DCP1A: variants seen among roughly 807,000 people sequenced by gnomAD.
DCP1A encodes the protein mRNA-decapping enzyme 1A.
In DCP1A, 20 loss-of-function variants were observed where a neutral mutation model predicts 58.0. The ratio of observed to expected loss-of-function variants is 0.34; its 90% CI spans 0.24 to 0.50. The LOEUF (loss-of-function observed/expected upper bound fraction) is 0.50, where lower values mean the gene tolerates loss of function less well. DCP1A is among the 20% of genes least tolerant of loss of function. DCP1A has a pLI of 0.98. For synonymous variants in DCP1A, 285 were observed against 275.1 expected (o/e 1.04, Z -0.36); for missense variants, 613 against 712.2 (o/e 0.86, Z 1.59).
At chr3:53,318,927 T>C (rs1337450674) in intron 4 of DCP1A, among the ~76,000 whole-genome samples, 4 of 152,212 alleles carry the variant, frequency 2.6e-5, no homozygotes, top group Non-Finnish European at 4.4e-5. Flanking sequence ...AGAGTTGCTG[T>C]ATATGGTCAG....
At chr3:53,309,249 T>C (rs1262661338) in intron 5 of DCP1A, among the ~76,000 whole-genome samples, 5 of 151,906 alleles carry the variant, frequency 3.3e-5, no homozygotes, top group Middle Eastern at 3.4e-3. Context: ...TGCATGCCTG[T>C]AGTCCCAGCT....
intron 1 of DCP1A, 36 bp downstream of exon 1, chr3:53,347,347 G>T: frequency 6.6e-7 from 1 of 1,520,020 alleles, no homozygotes; most frequent in Non-Finnish European, 8.8e-7. Flanking sequence ...GACGGCAGCG[G>T]CCGGGTGGCC....
intron 5 of DCP1A, among the ~76,000 whole-genome samples, chr3:53,311,836 G>A (rs1707652347): frequency 6.6e-6 from 1 of 152,006 alleles, no homozygotes; most frequent in Admixed American, 6.6e-5. Flanking sequence ...TTCTCCCATA[G>A]TAATCTTATA....
chr3:53,304,383 ATT>A, intron 5 of DCP1A, 93 bp from the exon 6 acceptor site: 1 of 852,696 alleles, frequency 1.2e-6, no homozygotes, highest in Non-Finnish European at 1.8e-6. Flanking sequence ...CAAAAATGTT[ATT>A]TTTTAAAAAG....
intron 3 of DCP1A, among the ~76,000 whole-genome samples, chr3:53,325,539 A>G (rs1451899202): frequency 1.3e-5 from 2 of 152,256 alleles, no homozygotes; most frequent in Non-Finnish European, 2.9e-5. Context: ...TGATACTGAC[A>G]AAGATCTCTT....
Position 53,309,242 on chromosome 3 carries a change from A to G in DCP1A, c.510+2999T>C, listed in dbSNP as rs148403993. On this transcript the variant is annotated intron_variant, in intron 5 of 9. Transcript: ENST00000610213. Reference sequence around the variant, plus strand: ...AAAAATTAGCCGGTCATAGTGGTGCATGCCTGTAGTCCCAGCTACTCAGGA... The same window carrying G: ...AAAAATTAGCCGGTCATAGTGGTGCGTGCCTGTAGTCCCAGCTACTCAGGA... Among the ~76,000 whole-genome samples, 1,012 of 152,026 alleles carry G rather than the reference A, an allele frequency of 6.7e-3. 48 individuals carry two copies. The East Asian group carries it at 0.12, about 19-fold the overall frequency.
At chr3:53,321,098 G>A (rs1707952208) in intron 3 of DCP1A, among the ~76,000 whole-genome samples, 1 of 152,252 alleles carries the variant, frequency 6.6e-6, no homozygotes, top group African/African-American at 2.4e-5. Context: ...GCCACCTTCT[G>A]TTGCTAGGTT....
intron 6 of DCP1A, among the ~76,000 whole-genome samples, chr3:53,301,407 G>A (rs941274366): frequency 1.3e-5 from 2 of 152,066 alleles, no homozygotes; most frequent in East Asian, 3.9e-4. Flanking sequence ...GAATAGCTGG[G>A]ATTCAGGTAC....
At position 53,347,512 on chromosome 3, in the gene DCP1A, C is replaced by T; in HGVS notation, c.6G>A (p.Glu2=). 6.2e-7 allele frequency: 1 copy of T among 1,611,276 alleles called. No individual in the cohort carries two copies. The change falls in exon 1 of 10, where the codon GAG becomes GAA. Residue 2 remains glutamate, a synonymous_variant. Coordinates refer to ENST00000610213, the MANE Select transcript of DCP1A (RefSeq NM_018403.7). M[E]ALSRAGQEMS... ...TCTCCTGCCCAGCTCGACTCAGCGC[C>T]TCCATCTTGAATCCCAGAGCCTAGC...
In DCP1A at chr3:53,342,136, A is replaced by G; in HGVS notation, c.304+8T>C. ...ATGTAATAACTATAATAAAACAGAT[A>G]TACTCACAGCTTGCATTTCTATACA... On this transcript the variant is annotated splice_region_variant and intron_variant, in intron 3 of 9. Coordinates refer to ENST00000610213, the MANE Select transcript of DCP1A (RefSeq NM_018403.7). 1 of 1,591,476 alleles carries G rather than the reference A, an allele frequency of 6.3e-7. No individual in the cohort carries two copies. The highest frequency in any genetic ancestry group is 8.6e-7 in the Non-Finnish European group (1 of 1,167,540).
rs543252795 is a variant in DCP1A, at chr3:53,303,787, T to C, written c.624+390A>G. Among the ~76,000 whole-genome samples the C allele has an allele frequency of 2.0e-5, 3 of 152,280 alleles. No individual in the cohort carries two copies. In the South Asian group the frequency reaches 6.2e-4, roughly 32 times the overall value. ...CAGGTGAGCAATGCAGAGTGACAGA[T>C]GAGGCCTGGGGTAGAGGGGCCAGAT... On this transcript the variant is annotated intron_variant, in intron 6 of 9. Coordinates refer to ENST00000610213, the MANE Select transcript of DCP1A (RefSeq NM_018403.7).
chr3:53,297,947 G>A (rs143787828), intron 6 of DCP1A, among the ~76,000 whole-genome samples: 61 of 152,354 alleles, frequency 4.0e-4, no homozygotes, highest in Admixed American at 1.4e-3. Context: ...GTCAGGCAGA[G>A]TGCCTCATGC....
intron 6 of DCP1A, among the ~76,000 whole-genome samples, chr3:53,302,705 C>T (rs548789436): frequency 6.6e-6 from 1 of 152,274 alleles, no homozygotes; most frequent in South Asian, 2.1e-4. Context: ...TCACTGCAAC[C>T]TCCACCTCCC....
intron 3 of DCP1A, chr3:53,333,158 T>C (rs1484078286): frequency 6.6e-6 from 1 of 152,000 alleles, no homozygotes; most frequent in Admixed American, 6.6e-5. Flanking sequence ...TTTTTTTTTT[T>C]TGAGATGGAG....
At chr3:53,287,710 C>T (rs1706694284) in intron 9 of DCP1A, 50 bp from the exon 10 acceptor site, 1 of 1,340,844 alleles carries the variant, frequency 7.5e-7, no homozygotes, top group African/African-American at 1.5e-5. Context: ...TTTACCTCAT[C>T]AGATTTTACT....
At chr3:53,302,930 T>C (rs1162576086) in intron 6 of DCP1A, among the ~76,000 whole-genome samples, 4 of 150,026 alleles carry the variant, frequency 2.7e-5, no homozygotes, top group Non-Finnish European at 4.4e-5. Flanking sequence ...GGAGTTTTAT[T>C]TTATTTTTAA....
intron 3 of DCP1A, among the ~76,000 whole-genome samples, chr3:53,330,928 G>C (rs2088987334): frequency 7.0e-6 from 1 of 143,596 alleles, no homozygotes; most frequent in East Asian, 2.1e-4. Context: ...GTGCGATCTT[G>C]GCTAACTGCA....
At chr3:53,306,239 A>G (rs1707466979) in intron 5 of DCP1A, among the ~76,000 whole-genome samples, 2 of 152,212 alleles carry the variant, frequency 1.3e-5, no homozygotes, top group Admixed American at 6.5e-5. Context: ...TATCAATTTG[A>G]ATAGCGGCGG....
chr3:53,342,567 A>G (rs1553692657), intron 2 of DCP1A, among the ~76,000 whole-genome samples: 1 of 151,416 alleles, frequency 6.6e-6, no homozygotes, highest in Admixed American at 6.6e-5. Flanking sequence ...TCCAGCTCCT[A>G]CTCTCCAGCC....
Sources: gnomAD v4.1 joint callset for allele counts (sites outside exome capture counted in the v4.1 genomes callset) on GRCh38, gnomAD v4.1.1 for gene constraint, MANE v1.5 for transcripts, NCBI Gene and HGNC (gene_info 2026-07-23, HGNC 2026-07-21) for gene names.